The following CAPZA1 variants were observed in gnomAD, a reference collection of about 807,000 sequenced individuals.
CAPZA1 encodes F-actin-capping protein subunit alpha-1.
Under a neutral mutation model 40.8 loss-of-function variants are expected in CAPZA1, and 10 were observed. That is an observed-to-expected ratio of 0.25 (90% CI 0.15 to 0.42). CAPZA1 has a LOEUF of 0.42. CAPZA1 is among the 10% of genes least tolerant of loss of function. The pLI is 1.00. For synonymous variants in CAPZA1, 98 were observed against 115.0 expected (o/e 0.85, Z 0.95); for missense variants, 277 against 353.8 (o/e 0.78, Z 1.74).
At chr1:112,647,995 T>C (rs955498083) in intron 2 of CAPZA1, among the ~76,000 whole-genome samples, 6 of 152,238 alleles carry the variant, frequency 3.9e-5, no homozygotes, top group Non-Finnish European at 5.9e-5. Context: ...ATAATTGTTG[T>C]GCATCTTGGT....
chr1:112,630,207 A>C (rs2101141021), intron 1 of CAPZA1, among the ~76,000 whole-genome samples: 1 of 151,876 alleles, frequency 6.6e-6, no homozygotes, highest in South Asian at 2.1e-4. Flanking sequence ...ACTAATTTTT[A>C]AGTATTTTTT....
intron 1 of CAPZA1, among the ~76,000 whole-genome samples, chr1:112,644,435 C>T (rs542843828): frequency 6.6e-6 from 1 of 152,152 alleles, no homozygotes; most frequent in Admixed American, 6.5e-5. Context: ...AAGTGATCCA[C>T]CCACCTCAGC....
intron 1 of CAPZA1, among the ~76,000 whole-genome samples, chr1:112,644,567 A>T (rs1671246869): frequency 6.6e-6 from 1 of 152,088 alleles, no homozygotes; most frequent in African/African-American, 2.4e-5. Flanking sequence ...GTCATCAATA[A>T]ACTTAAAATT....
intron 1 of CAPZA1, among the ~76,000 whole-genome samples, chr1:112,626,945 G>A (rs1398545798): frequency 6.6e-6 from 1 of 152,224 alleles, no homozygotes; most frequent in Non-Finnish European, 1.5e-5. Context: ...GGTGGTAAGA[G>A]AACTTTGCTT....
chr1:112,621,321 G>C (rs1459215256), intron 1 of CAPZA1, among the ~76,000 whole-genome samples: 1 of 150,394 alleles, frequency 6.6e-6, no homozygotes, highest in Non-Finnish European at 1.5e-5. Flanking sequence ...AGTCTCGCTC[G>C]GCTCACTGCA....
intron 1 of CAPZA1, among the ~76,000 whole-genome samples, chr1:112,624,005 CAAAAAAA>C (rs749422218): frequency 8.0e-5 from 6 of 74,804 alleles, no homozygotes; most frequent in Admixed American, 7.2e-4. Flanking sequence ...GACTCCATCT[CAAAAAAA>C]AAAAAAAAGA....
rs58051216 is a variant in CAPZA1 at position 112,670,362 on chromosome 1, C to CTTTTTTTTTTT, written c.*239_*249dup. 0.014 allele frequency: 2,071 copies of CTTTTTTTTTTT among 148,740 alleles called. 4 individuals are homozygous for CTTTTTTTTTTT. Among genetic ancestry groups the CTTTTTTTTTTT allele is most frequent in the Non-Finnish European group, 0.016 (1,322 of 82,106 alleles). 9.2% of individuals were successfully genotyped at this position (148,740 alleles called of 1,614,324 possible). ...TATATCTACGTGTAAATCTTTTTTT[C>CTTTTTTTTTTT]TTTTTTTTTTTTTTTTTTTGGTTAA... On this transcript the variant is annotated 3_prime_UTR_variant, in exon 10 of 10. Transcript: ENST00000263168.
intron 7 of CAPZA1, 77 bp from the exon 8 acceptor site, chr1:112,666,997 A>G: frequency 1.0e-6 from 1 of 968,456 alleles, no homozygotes; most frequent in Non-Finnish European, 1.6e-6. Flanking sequence ...AGATAGCTTA[A>G]AGCATGGATT....
intron 7 of CAPZA1, among the ~76,000 whole-genome samples, chr1:112,664,441 G>C (rs1252936192): frequency 1.7e-4 from 26 of 152,126 alleles, no homozygotes; most frequent in Non-Finnish European, 1.5e-5. Context: ...CTAACTTTTT[G>C]ACAAAACATA....
At position 112,645,556 on chromosome 1, in the gene CAPZA1, C is replaced by T. The variant is rs183475164; in HGVS notation, c.40-1654C>T. 3.5e-3 allele frequency among the ~76,000 whole-genome samples: 525 copies of T among 152,102 alleles called. 4 individuals are homozygous for T. The highest frequency in any genetic ancestry group is 6.0e-3 in the Admixed American group (92 of 15,280). On this transcript the variant is annotated intron_variant, in intron 1 of 9. Transcript: ENST00000263168. ...GCTTGAGGCAGGAGGATCACTTGAA[C>T]CCAGGAGTTTGAGGTTACAGTGAAC... is the stretch of plus-strand genomic sequence containing the variant.
At chr1:112,636,354 G>C (rs975137464) in intron 1 of CAPZA1, among the ~76,000 whole-genome samples, 2 of 152,252 alleles carry the variant, frequency 1.3e-5, no homozygotes, top group South Asian at 2.1e-4. Context: ...AGACGAATGG[G>C]AAGAAATTGA....
At chr1:112,620,957 C>T (rs1670627614) in intron 1 of CAPZA1, 1 of 152,096 alleles carries the variant, frequency 6.6e-6, no homozygotes, top group Non-Finnish European at 1.5e-5. Flanking sequence ...GAAAATGTGT[C>T]CCCTTGAGTG....
intron 1 of CAPZA1, among the ~76,000 whole-genome samples, chr1:112,621,581 C>T (rs1214080466): frequency 6.6e-6 from 1 of 151,898 alleles, no homozygotes; most frequent in African/African-American, 2.4e-5. Flanking sequence ...AAATAATAAA[C>T]TTTTAAGTTT....
In CAPZA1 at chr1:112,659,042, T is replaced by C; in HGVS notation, c.447T>C (p.Asp149=). ...GFCTVYAKTI[D]GQQTIIACIE... ...AATAGGTTTATGCTAAAACTATCGA[T>C]GGGCAACAGACTATTATTGCATGTA... Residue 149 remains aspartate, a synonymous_variant, in exon 6 of 10, where the codon GAT becomes GAC. Coordinates refer to ENST00000263168, the MANE Select transcript of CAPZA1 (RefSeq NM_006135.3). 1 of 1,613,332 alleles carries C rather than the reference T, an allele frequency of 6.2e-7. No individual in the cohort carries two copies. The highest frequency in any genetic ancestry group is 1.1e-5 in the South Asian group (1 of 91,068).
chr1:112,643,767 C>T (rs1215112166), intron 1 of CAPZA1, among the ~76,000 whole-genome samples: 1 of 152,160 alleles, frequency 6.6e-6, no homozygotes, highest in Non-Finnish European at 1.5e-5. Context: ...TTTTCTTTGT[C>T]CTTTTCAGAA....
chr1:112,626,994 GCTT>G (rs1275633557), intron 1 of CAPZA1, among the ~76,000 whole-genome samples: 5 of 152,198 alleles, frequency 3.3e-5, no homozygotes, highest in Non-Finnish European at 5.9e-5. Flanking sequence ...ACATTTAAGT[GCTT>G]CTTTTGTGCT....
intron 1 of CAPZA1, among the ~76,000 whole-genome samples, chr1:112,645,376 A>G (rs1342724166): frequency 1.3e-5 from 2 of 152,136 alleles, no homozygotes; most frequent in African/African-American, 4.8e-5. Context: ...TGTAATCTCA[A>G]TGCTTTGGGA....
chr1:112,642,202 C>CT lies in CAPZA1; in HGVS notation c.40-4980dup, dbSNP rs770352173. 5.4e-3 allele frequency among the ~76,000 whole-genome samples: 319 copies of CT among 59,072 alleles called. 38 individuals carry two copies. Among genetic ancestry groups the CT allele is most frequent in the Non-Finnish European group, 6.2e-3 (214 of 34,306 alleles). 38.8% of individuals were successfully genotyped at this position (59,072 alleles called of 152,430 possible). A position where few individuals can be genotyped will look rare whatever the true frequency, so the allele number is the denominator to read the frequency against. On this transcript the variant is annotated intron_variant, in intron 1 of 9. Coordinates refer to ENST00000263168, the MANE Select transcript of CAPZA1 (RefSeq NM_006135.3). ...ACAGCCTCTGAAGACTACCCCGCAC[C>CT]TTTTTTTTTTTTTTTTTTTTTTTTT... is the stretch of plus-strand genomic sequence containing the variant.
At position 112,654,613 on chromosome 1, in the gene CAPZA1, C is replaced by G; in HGVS notation, c.368C>G (p.Ser123Cys). The G allele has an allele frequency of 3.1e-6, 5 of 1,613,936 alleles. No homozygotes were observed. The highest frequency in any genetic ancestry group is 2.5e-6 in the Non-Finnish European group (3 of 1,179,832). ...GGAGGTCTGAAGTCTTGGAGAGAAT[C>G]CTGTGACAGTGCTTTAAGAGCCTAT... ...ADGGLKSWRE[S>C]CDSALRAYVK... Residue 123 changes from serine (S) to cysteine (C), a missense_variant, in exon 5 of 10, where the codon TCC becomes TGC. By Grantham distance (112) the Ser-to-Cys change is moderately radical (BLOSUM62 -1). Coordinates refer to ENST00000263168, the MANE Select transcript of CAPZA1 (RefSeq NM_006135.3).
Sources: gnomAD v4.1 joint callset for allele counts (sites outside exome capture counted in the v4.1 genomes callset) on GRCh38, gnomAD v4.1.1 for gene constraint, MANE v1.5 for transcripts, NCBI Gene and HGNC (gene_info 2026-07-23, HGNC 2026-07-21) for gene names.